The following PRUNE2 variants were observed in gnomAD, a reference collection of about 807,000 sequenced individuals.
PRUNE2 encodes the protein prune homolog 2 with BCH domain.
PRUNE2 carries 164 observed loss-of-function variants against 252.0 expected under a neutral mutation model. The ratio of observed to expected loss-of-function variants is 0.65; its 90% confidence interval spans 0.57 to 0.74. PRUNE2 has a LOEUF of 0.74. PRUNE2 is among the 30% of genes least tolerant of loss of function. The pLI is 0.00. For synonymous variants in PRUNE2, 1,292 were observed against 1,350.2 expected (o/e 0.96, Z 0.94); for missense variants, 3,495 against 3,711.0 (o/e 0.94, Z 1.51).
intron 9 of PRUNE2, among the ~76,000 whole-genome samples, chr9:76,686,118 T>C (rs1368385313): frequency 1.3e-5 from 2 of 152,258 alleles, no homozygotes; most frequent in African/African-American, 4.8e-5. Context: ...GGAGAACTGA[T>C]TCATTTAACC....
Position 76,614,453 on chromosome 9 carries a change from A to C in PRUNE2, c.*117T>G. The C allele has an allele frequency of 2.5e-6, 2 of 792,118 alleles. No homozygotes were observed. Among genetic ancestry groups the C allele is most frequent in the South Asian group, 3.2e-5 (2 of 61,724 alleles). The allele number at this position is 792,118 out of a possible 1,614,324, so 49.1% of individuals were successfully genotyped here. A position where few individuals can be genotyped will look rare whatever the true frequency, so the allele number is the denominator to read the frequency against. On this transcript the variant is annotated 3_prime_UTR_variant, in exon 19 of 19. Transcript: ENST00000376718. ...TCTATTTTTCCCCTTAGAAATTTAG[A>C]ATGGCACCAGGTAGTGCAAAGTGGA...
chr9:76,692,386 T>G (rs1272358821), intron 9 of PRUNE2: 3 of 504,856 alleles, frequency 5.9e-6, no homozygotes, highest in Non-Finnish European at 7.1e-6. Flanking sequence ...CTGCTGCTAC[T>G]CCTGCTCCCG....
At chr9:76,795,114 G>A (rs557525709) in intron 6 of PRUNE2, among the ~76,000 whole-genome samples, 37 of 152,244 alleles carry the variant, frequency 2.4e-4, no homozygotes, top group African/African-American at 8.2e-4. Flanking sequence ...AGGGTGACTG[G>A]GTTCCAGCTG....
Position 76,704,793 on chromosome 9 carries a change from A to T in PRUNE2, c.7481T>A (p.Leu2494Ter). 6.4e-7 allele frequency: 1 copy of T among 1,572,482 alleles called. No homozygotes were observed. Among genetic ancestry groups the T allele is most frequent in the Non-Finnish European group, 8.6e-7 (1 of 1,157,092 alleles). Residue 2494 changes from leucine (L) to a stop codon, truncating the protein, a stop_gained, in exon 8 of 19, where the codon TTA (leucine) becomes TAA (stop). Transcript: ENST00000376718. LOFTEE classifies it high-confidence loss of function. ...TGGTCCTATGTCTCCACCTGCTGGTAAATCAGAATTATCTGTTTCTACTTC... is the reference window on the plus strand; with the variant it reads ...TGGTCCTATGTCTCCACCTGCTGGTTAATCAGAATTATCTGTTTCTACTTC... ...DWEVETDNSDLPAGGDIGPPN... is the reference protein window; with the variant it reads ...DWEVETDNSD
At chr9:76,642,075 T>C in intron 12 of PRUNE2, 1 of 919,310 alleles carries the variant, frequency 1.1e-6, no homozygotes, top group Non-Finnish European at 1.6e-6. Context: ...TGTTCTCCAT[T>C]ATTTAAATGG....
In PRUNE2 at chr9:76,707,603, C is replaced by T. The variant is rs2046400002; in HGVS notation, c.4671G>A (p.Leu1557=). 1 of 1,613,784 alleles carries T rather than the reference C, an allele frequency of 6.2e-7. No homozygotes were observed. The highest frequency in any genetic ancestry group is 1.7e-5 in the Admixed American group (1 of 59,998). The change falls in exon 8 of 19, where the codon CTG becomes CTA. Residue 1557 remains leucine, a synonymous_variant. Transcript: ENST00000376718. ...AACTGGGTTGCTGGCCCCAGGAGGA[C>T]AGTGCAACTGAAGAGTCATTTAACT... ...SPELNDSSVA[L]SSWGQQPSSG... is the part of the protein sequence containing the mutation.
intron 17 of PRUNE2, among the ~76,000 whole-genome samples, chr9:76,623,589 G>T (rs957971229): frequency 6.6e-6 from 1 of 152,118 alleles, no homozygotes; most frequent in African/African-American, 2.4e-5. Flanking sequence ...CTTTCTATTG[G>T]TTGGGCTATT....
chr9:76,779,108 T>G (rs1319448262), intron 6 of PRUNE2, among the ~76,000 whole-genome samples: 1 of 152,234 alleles, frequency 6.6e-6, no homozygotes, highest in African/African-American at 2.4e-5. Context: ...AAGAACAGGT[T>G]TCATTAAACA....
At chr9:76,723,312 C>T (rs947066571) in intron 6 of PRUNE2, among the ~76,000 whole-genome samples, 2 of 152,214 alleles carry the variant, frequency 1.3e-5, no homozygotes, top group African/African-American at 2.4e-5. Flanking sequence ...CTCACGTAGA[C>T]TTTCTTGCTC....
intron 16 of PRUNE2, among the ~76,000 whole-genome samples, chr9:76,628,399 C>T (rs927768396): frequency 5.3e-5 from 8 of 152,134 alleles, no homozygotes; most frequent in African/African-American, 1.9e-4. Flanking sequence ...GGGCAAATGC[C>T]CTCTACTTAA....
intron 6 of PRUNE2, among the ~76,000 whole-genome samples, chr9:76,755,769 C>T (rs561853778): frequency 6.6e-6 from 1 of 152,266 alleles, no homozygotes; most frequent in Non-Finnish European, 1.5e-5. Flanking sequence ...GTGACGCAAT[C>T]TCGGCTCACT....
At chr9:76,728,810 T>G (rs2048330930) in intron 6 of PRUNE2, among the ~76,000 whole-genome samples, 1 of 152,204 alleles carries the variant, frequency 6.6e-6, no homozygotes, top group Non-Finnish European at 1.5e-5. Flanking sequence ...AAGCTTCAGT[T>G]CTTTCCTCTG....
chr9:76,837,441 A>AAATAATAATTAAT (rs1554798656), intron 4 of PRUNE2, among the ~76,000 whole-genome samples: 4 of 134,826 alleles, frequency 3.0e-5, no homozygotes, highest in African/African-American at 1.1e-4. Flanking sequence ...ACTCTGTCTC[A>AAATAATAATTAAT]AATAATAATA....
chr9:76,637,716 T>G (rs1840766857), intron 13 of PRUNE2, among the ~76,000 whole-genome samples, 167 bp from the exon 14 acceptor site: 1 of 152,230 alleles, frequency 6.6e-6, no homozygotes, highest in African/African-American at 2.4e-5. Context: ...CTGAGAGTAT[T>G]ACTCATTTAT....
At position 76,612,551 on chromosome 9, in the gene PRUNE2, A is replaced by G. The variant is rs1037324453; in HGVS notation, c.*2019T>C. The G allele has an allele frequency of 1.3e-5, 2 of 152,186 alleles. No individual in the cohort carries two copies. The allele number at this position is 152,186 out of a possible 1,614,324, so 9.4% of individuals were successfully genotyped here. ...CAACACTGTGTTCTGGGAGAGGTGT[A>G]ATTTGGGCTTTCAAAAGTGGAGGTG... On this transcript the variant is annotated 3_prime_UTR_variant, in exon 19 of 19. Transcript: ENST00000376718.
At chr9:76,781,287 G>A (rs1400523139) in intron 6 of PRUNE2, among the ~76,000 whole-genome samples, 1 of 152,182 alleles carries the variant, frequency 6.6e-6, no homozygotes, top group East Asian at 1.9e-4. Flanking sequence ...AGTCTGAAGT[G>A]TTCACTCTGG....
intron 9 of PRUNE2, among the ~76,000 whole-genome samples, chr9:76,687,447 C>T (rs1164213459): frequency 1.3e-5 from 2 of 152,134 alleles, no homozygotes; most frequent in East Asian, 3.9e-4. Context: ...AGCACTAAAT[C>T]CTGCTTTTCA....
chr9:76,741,055 T>C (rs894397289), intron 6 of PRUNE2, among the ~76,000 whole-genome samples: 1 of 152,178 alleles, frequency 6.6e-6, no homozygotes, highest in East Asian at 1.9e-4. Context: ...CTCACAAAAA[T>C]TTTAAAATAA....
intron 6 of PRUNE2, among the ~76,000 whole-genome samples, chr9:76,743,460 C>T (rs1236119110): frequency 4.6e-5 from 7 of 152,076 alleles, no homozygotes; most frequent in Non-Finnish European, 7.4e-5. Flanking sequence ...ATAGTCTGAC[C>T]GTCCCTCTAT....
Sources: allele counts gnomAD v4.1 joint callset (sites outside exome capture counted in the v4.1 genomes callset), GRCh38; gene constraint gnomAD v4.1.1; transcripts MANE v1.5; gene names NCBI Gene and HGNC (gene_info 2026-07-23, HGNC 2026-07-21).